Variants in DIAPH2 observed in about 807,000 individuals in gnomAD.
DIAPH2 encodes diaphanous related formin 2, also known as protein diaphanous homolog 2.
In DIAPH2, 35 loss-of-function variants were observed where a neutral mutation model predicts 92.7. The ratio of observed to expected loss-of-function variants is 0.38; its 90% confidence interval spans 0.29 to 0.50. The LOEUF is 0.50. Ranked by LOEUF, DIAPH2 falls within the 20% of genes least tolerant of loss-of-function variation. The probability of loss-of-function intolerance (pLI) is 0.94; values close to 1 mark genes in which losing one functional copy is unlikely to be tolerated. For missense variants in DIAPH2, 701 were observed against 819.5 expected, an observed-to-expected ratio of 0.86 and a Z score of 1.77; for synonymous variants, 301 against 280.4, an observed-to-expected ratio of 1.07 and a Z score of -0.73.
At position 96,930,729 on chromosome X, in the gene DIAPH2, G is replaced by A; in HGVS notation, c.979-4G>A. ...TTAAAACAAAATTTGCTTTCTAATT[G>A]CAGGTGGCCTGCATGCAGTTTATAA... On this transcript the variant is annotated splice_polypyrimidine_tract_variant and splice_region_variant and intron_variant, in intron 9 of 26. Transcript: ENST00000324765. 1 of 1,189,791 alleles carries A rather than the reference G, an allele frequency of 8.4e-7. No homozygotes were observed. The highest frequency in any genetic ancestry group is 1.9e-5 in the South Asian group (1 of 52,411).
chrX:97,421,270 T>G, intron 25 of DIAPH2, among the ~76,000 whole-genome samples: 1 of 112,302 alleles, frequency 8.9e-6, no homozygotes, highest in East Asian at 2.8e-4. Flanking sequence ...TACTTAGTCT[T>G]TATTATCTCC....
intron 23 of DIAPH2, among the ~76,000 whole-genome samples, chrX:97,266,832 G>C (rs2068340998): frequency 8.9e-6 from 1 of 111,842 alleles, no homozygotes. Flanking sequence ...TTTACCTTTA[G>C]AGAAAAATTA....
At chrX:97,323,599 A>G (rs1331963655) in intron 23 of DIAPH2, among the ~76,000 whole-genome samples, 2 of 91,975 alleles carry the variant, frequency 2.2e-5, no homozygotes, top group Non-Finnish European at 4.3e-5. Context: ...TCAAGAAAAA[A>G]AAAAAAAAAA....
chrX:97,072,270 TTTAA>T (rs1191533846), intron 17 of DIAPH2, among the ~76,000 whole-genome samples: 8 of 112,290 alleles, frequency 7.1e-5, no homozygotes. Flanking sequence ...TTAAACTGTT[TTTAA>T]TTATACTGTT....
At chrX:97,305,689 G>A (rs1037417663) in intron 23 of DIAPH2, among the ~76,000 whole-genome samples, 1 of 108,362 alleles carries the variant, frequency 9.2e-6, no homozygotes, top group Non-Finnish European at 1.9e-5. Flanking sequence ...TGGACGTGGT[G>A]GTGCGTGCCT....
chrX:96,962,467 A>G (rs943575816), intron 16 of DIAPH2, among the ~76,000 whole-genome samples: 1 of 42,111 alleles, frequency 2.4e-5, no homozygotes, highest in Admixed American at 3.8e-4. Flanking sequence ...ATATATATAT[A>G]CATATATATA....
At chrX:97,049,303 C>T (rs764101707) in intron 17 of DIAPH2, among the ~76,000 whole-genome samples, 1 of 110,246 alleles carries the variant, frequency 9.1e-6, no homozygotes, top group Admixed American at 9.6e-5. Flanking sequence ...ATTGATCTAA[C>T]GGCCATATAT....
chrX:97,128,071 G>C (rs1411319555), intron 21 of DIAPH2, among the ~76,000 whole-genome samples: 3 of 111,237 alleles, frequency 2.7e-5, no homozygotes, highest in Non-Finnish European at 5.7e-5. Context: ...AGAATTCAGG[G>C]TGAGTCTGCA....
At chrX:97,096,740 T>C (rs932001396) in intron 19 of DIAPH2, among the ~76,000 whole-genome samples, 3 of 111,777 alleles carry the variant, frequency 2.7e-5, no homozygotes, top group Non-Finnish European at 5.6e-5. Context: ...ACAGTTCTCC[T>C]CTCCACAGTA....
intron 23 of DIAPH2, among the ~76,000 whole-genome samples, chrX:97,278,116 C>A (rs1259282206): frequency 8.9e-6 from 1 of 112,051 alleles, no homozygotes; most frequent in Non-Finnish European, 1.9e-5. Flanking sequence ...AGTGCTGGGA[C>A]TACAGGCGTG....
At chrX:97,493,031 G>C (rs1012107064) in intron 26 of DIAPH2, among the ~76,000 whole-genome samples, 1 of 111,443 alleles carries the variant, frequency 9.0e-6, no homozygotes, top group African/African-American at 3.3e-5. Context: ...GAATGTATTG[G>C]TCTGCTTGAT....
At chrX:97,097,170 A>G (rs1190536935) in intron 19 of DIAPH2, among the ~76,000 whole-genome samples, 2 of 111,575 alleles carry the variant, frequency 1.8e-5, no homozygotes, top group African/African-American at 6.5e-5. Flanking sequence ...ACCTTATACT[A>G]CATCTTTGTC....
intron 23 of DIAPH2, among the ~76,000 whole-genome samples, chrX:97,284,159 TA>T (rs748832914): frequency 1.7e-4 from 19 of 111,437 alleles, no homozygotes; most frequent in Middle Eastern, 4.7e-3. Flanking sequence ...TGTATGAAAA[TA>T]TTTTTTTAGT....
intron 22 of DIAPH2, among the ~76,000 whole-genome samples, chrX:97,144,668 A>G (rs1297128540): frequency 1.8e-5 from 2 of 111,300 alleles, no homozygotes; most frequent in Non-Finnish European, 3.8e-5. Flanking sequence ...GAGACATTCA[A>G]TAATCTTGTA....
intron 24 of DIAPH2, among the ~76,000 whole-genome samples, chrX:97,382,201 T>C (rs1290273341): frequency 8.9e-6 from 1 of 112,578 alleles, no homozygotes; most frequent in African/African-American, 3.2e-5. Context: ...ACAATTTTAC[T>C]TCCATCCTGT....
chrX:97,332,720 A>G (rs1180380036), intron 23 of DIAPH2, among the ~76,000 whole-genome samples: 1 of 111,866 alleles, frequency 8.9e-6, no homozygotes, highest in Non-Finnish European at 1.9e-5. Flanking sequence ...AACAACAGAC[A>G]TATCAGAAGT....
intron 4 of DIAPH2, among the ~76,000 whole-genome samples, chrX:96,856,300 A>G (rs1190923181): frequency 9.0e-6 from 1 of 111,386 alleles, no homozygotes; most frequent in Non-Finnish European, 1.9e-5. Context: ...TGCCTATTCT[A>G]GGTAACTGTA....
chrX:96,858,942 T>C (rs960971177), intron 4 of DIAPH2, among the ~76,000 whole-genome samples: 1 of 112,019 alleles, frequency 8.9e-6, no homozygotes, highest in Non-Finnish European at 1.9e-5. Context: ...TTGATACCTC[T>C]GAAGACAATC....
intron 4 of DIAPH2, among the ~76,000 whole-genome samples, chrX:96,759,395 G>T (rs1161242059): frequency 9.0e-6 from 1 of 111,380 alleles, no homozygotes; most frequent in Non-Finnish European, 1.9e-5. Context: ...CAGAGCAACA[G>T]CATGTTTTTA....
Sources: gnomAD v4.1 joint callset for allele counts (sites outside exome capture counted in the v4.1 genomes callset) on GRCh38, gnomAD v4.1.1 for gene constraint, MANE v1.5 for transcripts, NCBI Gene and HGNC (gene_info 2026-07-23, HGNC 2026-07-21) for gene names.